COG6: variants seen among roughly 807,000 people sequenced by gnomAD.
COG6 encodes conserved oligomeric Golgi complex subunit 6.
COG6 carries 74 observed loss-of-function variants against 88.8 expected under a neutral mutation model. The ratio of observed to expected loss-of-function variants is 0.83; its 90% confidence interval spans 0.69 to 1.01. The LOEUF is 1.01. Among genes scored for constraint, COG6 ranks in the 50% least tolerant of loss-of-function variants. The pLI, the probability that COG6 is intolerant of heterozygous loss-of-function variation, is 0.00. For synonymous variants in COG6, 286 were observed against 278.7 expected (o/e 1.03, Z -0.26); for missense variants, 800 against 797.9 (o/e 1.00, Z -0.03).
Position 39,655,985 on chromosome 13 carries a change from A to C in COG6, c.153+106A>C, listed in dbSNP as rs3812885. The C allele has an allele frequency of 0.41, 576,331 of 1,404,354 alleles. 121,709 individuals carry two copies. The highest frequency in any genetic ancestry group is 0.62 in the Admixed American group (31,378 of 50,684). 87.0% of individuals were successfully genotyped at this position (1,404,354 alleles called of 1,614,324 possible). On this transcript the variant is annotated intron_variant, in intron 1 of 18. Transcript: ENST00000455146. ...CCGCGGTCTCCCTCGTCCCGGCAGC[A>C]GAGGGACCGCGAGTGACCCCAGACC...
chr13:39,699,139 C>T (rs994905642), intron 12 of COG6, among the ~76,000 whole-genome samples: 6 of 151,668 alleles, frequency 4.0e-5, no homozygotes, highest in African/African-American at 1.4e-4. Flanking sequence ...TGATTCAGTG[C>T]TCTTCTTAAA....
At chr13:39,686,151 G>A (rs551569979) in intron 8 of COG6, among the ~76,000 whole-genome samples, 1 of 152,116 alleles carries the variant, frequency 6.6e-6, no homozygotes, top group South Asian at 2.1e-4. Context: ...GGGAAGTTTT[G>A]GTAATTTTTG....
At chr13:39,773,882 T>TTTC (rs2138180113) in intron 18 of COG6, among the ~76,000 whole-genome samples, 1 of 151,848 alleles carries the variant, frequency 6.6e-6, no homozygotes, top group East Asian at 1.9e-4. Context: ...TTTTTTTTTT[T>TTTC]TTTACCCAAT....
chr13:39,712,577 A>T lies in COG6; in HGVS notation c.1285-6659A>T, dbSNP rs527763124. 5.3e-5 allele frequency among the ~76,000 whole-genome samples: 8 copies of T among 152,342 alleles called. No homozygotes were observed. The South Asian group carries it at 1.5e-3, about 28-fold the overall frequency. ...TGTGAAAGATAGAGCAGTTAAGAAG[A>T]TATGTGCCTGAAATAAGGAGTCTAA... On this transcript the variant is annotated intron_variant, in intron 13 of 18. Coordinates refer to ENST00000455146, the MANE Select transcript of COG6 (RefSeq NM_020751.3).
chr13:39,724,496 T>C lies in COG6; in HGVS notation c.1693-12T>C, dbSNP rs561776134. On this transcript the variant is annotated splice_polypyrimidine_tract_variant and intron_variant, in intron 16 of 18. Coordinates refer to ENST00000455146, the MANE Select transcript of COG6 (RefSeq NM_020751.3). ...ATCTTGGATCTGCTTTTTTTTTTTT[T>C]TTTTTAAATAGGGCTCTTTAGCTAA... 1.5e-4 allele frequency: 225 copies of C among 1,542,280 alleles called. No homozygotes were observed. In the African/African-American group the frequency reaches 2.9e-3, roughly 20 times the overall value.
chr13:39,776,250 G>A (rs118050889), intron 18 of COG6, among the ~76,000 whole-genome samples: 1 of 152,314 alleles, frequency 6.6e-6, no homozygotes, highest in East Asian at 1.9e-4. Context: ...AGGAGGAGTA[G>A]GCAGAAGGGG....
chr13:39,682,880 T>A (rs1566177744), intron 8 of COG6, among the ~76,000 whole-genome samples: 1 of 152,286 alleles, frequency 6.6e-6, no homozygotes, highest in East Asian at 1.9e-4. Flanking sequence ...TGGAGTAGTA[T>A]TAGCATAAGC....
rs907968129 is a variant in COG6 at position 39,787,768 on chromosome 13, G to T, written c.1827-567G>T. Among the ~76,000 whole-genome samples, 24 of 152,190 alleles carry T rather than the reference G, an allele frequency of 1.6e-4. No homozygotes were observed. In the East Asian group the frequency reaches 4.6e-3, roughly 29 times the overall value. On this transcript the variant is annotated intron_variant, in intron 18 of 18. Transcript: ENST00000416691. Reference sequence around the variant, plus strand: ...ACATTAAAACATTTTTTAAAATACAGCATAACAACTAAGCACATTGTATTA... The same window carrying T: ...ACATTAAAACATTTTTTAAAATACATCATAACAACTAAGCACATTGTATTA...
intron 8 of COG6, among the ~76,000 whole-genome samples, chr13:39,684,206 T>C (rs963687009): frequency 2.0e-5 from 3 of 148,060 alleles, no homozygotes; most frequent in African/African-American, 7.4e-5. Context: ...GAAGGGCATA[T>C]GCTAAGAAGC....
chr13:39,760,244 T>C (rs960627668), intron 18 of COG6, among the ~76,000 whole-genome samples: 1 of 152,170 alleles, frequency 6.6e-6, no homozygotes, highest in Non-Finnish European at 1.5e-5. Flanking sequence ...TGGCCATTGT[T>C]GTGCTAGCTG....
intron 15 of COG6, 27 bp downstream of exon 15, chr13:39,719,854 G>T: frequency 6.4e-7 from 1 of 1,556,056 alleles, no homozygotes; most frequent in South Asian, 1.1e-5. Flanking sequence ...AATGACTATT[G>T]ACTATGATTG....
chr13:39,723,483 G>A, intron 16 of COG6, 43 bp downstream of exon 16: 1 of 1,110,660 alleles, frequency 9.0e-7, no homozygotes, highest in Non-Finnish European at 1.4e-6. Context: ...GAACATGCCA[G>A]TTTAGAGTAT....
intron 18 of COG6, among the ~76,000 whole-genome samples, chr13:39,779,032 A>G (rs1217402099): frequency 2.0e-5 from 3 of 152,150 alleles, no homozygotes; most frequent in African/African-American, 7.2e-5. Context: ...GGAAAATTAT[A>G]CTCCACTTTT....
intron 18 of COG6, chr13:39,785,596 A>G (rs1284053069): frequency 6.6e-6 from 1 of 152,164 alleles, no homozygotes; most frequent in Non-Finnish European, 1.5e-5. Flanking sequence ...TTCATCCTTT[A>G]AATTGTTAAC....
At chr13:39,762,621 C>T (rs1881050571) in intron 18 of COG6, among the ~76,000 whole-genome samples, 1 of 142,688 alleles carries the variant, frequency 7.0e-6, no homozygotes, top group South Asian at 2.2e-4. Flanking sequence ...ACACTGTACC[C>T]CATAAATAAG....
chr13:39,777,049 A>G (rs975061033), intron 18 of COG6, among the ~76,000 whole-genome samples: 4 of 152,204 alleles, frequency 2.6e-5, no homozygotes, highest in African/African-American at 4.8e-5. Flanking sequence ...ATTAACAACA[A>G]CACTTGCTAC....
chr13:39,712,995 A>G (rs918215140), intron 13 of COG6, among the ~76,000 whole-genome samples: 4 of 152,238 alleles, frequency 2.6e-5, no homozygotes, highest in African/African-American at 7.2e-5. Context: ...TTGTAAGGCA[A>G]AAGTTCACAT....
chr13:39,753,507 C>T (rs1880734384), downstream of COG6, among the ~76,000 whole-genome samples: 1 of 152,286 alleles, frequency 6.6e-6, no homozygotes, highest in East Asian at 1.9e-4. Flanking sequence ...AGGACTTTTA[C>T]ACCCACATTC....
intron 4 of COG6, among the ~76,000 whole-genome samples, chr13:39,674,403 A>G (rs940022118): frequency 2.0e-5 from 3 of 152,168 alleles, no homozygotes; most frequent in African/African-American, 7.2e-5. Context: ...TAGAGGTAGA[A>G]TTAAGATACG....
Sources: gnomAD v4.1 joint callset for allele counts (sites outside exome capture counted in the v4.1 genomes callset) on GRCh38, gnomAD v4.1.1 for gene constraint, MANE v1.5 for transcripts, NCBI Gene and HGNC (gene_info 2026-07-23, HGNC 2026-07-21) for gene names.